NEK1: variants seen among roughly 807,000 people sequenced by gnomAD.
The protein encoded by NEK1 is serine/threonine-protein kinase Nek1.
Under a neutral mutation model 182.1 loss-of-function variants are expected in NEK1, and 137 were observed. That is an observed-to-expected ratio of 0.75 (90% confidence interval 0.65 to 0.87). The LOEUF is 0.87. Ranked by LOEUF, NEK1 falls within the 40% of genes least tolerant of loss-of-function variation. The pLI is 0.00. For synonymous variants in NEK1, 513 were observed against 492.2 expected, an observed-to-expected ratio of 1.04 and a Z score of -0.56; for missense variants, 1,391 against 1,494.4, an observed-to-expected ratio of 0.93 and a Z score of 1.14.
At chr4:169,563,133 G>C (rs1033023909) in intron 12 of NEK1, among the ~76,000 whole-genome samples, 2 of 152,100 alleles carry the variant, frequency 1.3e-5, no homozygotes, top group Non-Finnish European at 2.9e-5. Context: ...GCCAAGATAG[G>C]AGGACTGCTT....
At chr4:169,465,838 G>A (rs991619844) in intron 26 of NEK1, among the ~76,000 whole-genome samples, 3 of 152,180 alleles carry the variant, frequency 2.0e-5, no homozygotes, top group Admixed American at 6.6e-5. Context: ...ACTTGAAAGA[G>A]CCAAGCTATG....
chr4:169,608,584 T>G (rs1378581892), intron 2 of NEK1, among the ~76,000 whole-genome samples: 1 of 152,192 alleles, frequency 6.6e-6, no homozygotes, highest in Non-Finnish European at 1.5e-5. Context: ...TAGACCAATA[T>G]TTTAGCTATT....
intron 18 of NEK1, among the ~76,000 whole-genome samples, chr4:169,541,707 A>G (rs1759448071): frequency 1.3e-5 from 2 of 152,176 alleles, no homozygotes; most frequent in Non-Finnish European, 2.9e-5. Flanking sequence ...TAAACAGTAC[A>G]AGACAAAAGA....
intron 19 of NEK1, among the ~76,000 whole-genome samples, chr4:169,509,232 A>C (rs549229738): frequency 6.6e-6 from 1 of 152,232 alleles, no homozygotes; most frequent in Non-Finnish European, 1.5e-5. Flanking sequence ...TATATATACT[A>C]AACACATACA....
chr4:169,585,325 A>T, intron 10 of NEK1, 24 bp downstream of exon 10: 1 of 1,587,044 alleles, frequency 6.3e-7, no homozygotes, highest in Non-Finnish European at 8.6e-7. Flanking sequence ...CCTACTGTTT[A>T]ATTTTAAAGG....
intron 12 of NEK1, among the ~76,000 whole-genome samples, chr4:169,573,016 A>G (rs893632818): frequency 1.3e-5 from 2 of 152,200 alleles, no homozygotes; most frequent in Non-Finnish European, 2.9e-5. Flanking sequence ...CCTTTTTAAA[A>G]AGACTTAAGA....
chr4:169,472,342 C>G (rs1177568157), intron 26 of NEK1, among the ~76,000 whole-genome samples: 2 of 152,022 alleles, frequency 1.3e-5, no homozygotes, highest in Non-Finnish European at 2.9e-5. Context: ...CAGATAGCAC[C>G]GTCCCTCACG....
At chr4:169,466,032 TATA>T in intron 26 of NEK1, among the ~76,000 whole-genome samples, 1 of 152,216 alleles carries the variant, frequency 6.6e-6, no homozygotes, top group South Asian at 2.1e-4. Context: ...AATCCAACTC[TATA>T]ATGACAGAGA....
chr4:169,480,510 T>TAAAAAAAAAA (rs58933123), intron 23 of NEK1, among the ~76,000 whole-genome samples: 1 of 100,272 alleles, frequency 1.0e-5, no homozygotes, highest in Non-Finnish European at 2.1e-5. Context: ...ACCTCATTCC[T>TAAAAAAAAAA]AAAAAAAAAA....
At chr4:169,486,046 A>G (rs1748983086) in intron 23 of NEK1, among the ~76,000 whole-genome samples, 1 of 152,058 alleles carries the variant, frequency 6.6e-6, no homozygotes, top group African/African-American at 2.4e-5. Flanking sequence ...ACCCTGTTTC[A>G]AAACAAAACA....
At chr4:169,533,053 T>C (rs986153024) in intron 19 of NEK1, among the ~76,000 whole-genome samples, 2 of 152,182 alleles carry the variant, frequency 1.3e-5, no homozygotes, top group Non-Finnish European at 1.5e-5. Context: ...AAAGGGAGTA[T>C]AGTAGGCAGA....
chr4:169,475,265 A>G (rs769958933), intron 26 of NEK1, among the ~76,000 whole-genome samples: 1 of 152,148 alleles, frequency 6.6e-6, no homozygotes, highest in Non-Finnish European at 1.5e-5. Context: ...AAAGCACCCA[A>G]AAAGATTACA....
At chr4:169,399,863 C>T (rs1731358889) in intron 35 of NEK1, among the ~76,000 whole-genome samples, 1 of 152,052 alleles carries the variant, frequency 6.6e-6, no homozygotes, top group Non-Finnish European at 1.5e-5. Context: ...GGCCTCAAGC[C>T]ATCCTCCCAC....
intron 12 of NEK1, among the ~76,000 whole-genome samples, chr4:169,565,120 C>A (rs1359559227): frequency 6.6e-6 from 1 of 152,100 alleles, no homozygotes; most frequent in Non-Finnish European, 1.5e-5. Context: ...ATTTACGTTA[C>A]CACTTTACCT....
At chr4:169,562,242 C>T in intron 12 of NEK1, 46 bp from the exon 13 acceptor site, 2 of 1,362,088 alleles carry the variant, frequency 1.5e-6, no homozygotes, top group Non-Finnish European at 2.0e-6. Context: ...TTTTGAGGCA[C>T]TTATTTGAAA....
intron 23 of NEK1, among the ~76,000 whole-genome samples, chr4:169,497,828 T>C (rs1327315571): frequency 6.6e-6 from 1 of 152,188 alleles, no homozygotes; most frequent in Non-Finnish European, 1.5e-5. Context: ...CTTCCAACTA[T>C]GTGGTCAATT....
intron 35 of NEK1, among the ~76,000 whole-genome samples, chr4:169,395,665 T>A (rs1312164781): frequency 6.6e-6 from 1 of 152,184 alleles, no homozygotes; most frequent in Non-Finnish European, 1.5e-5. Flanking sequence ...AACACACATA[T>A]CCATAATATG....
chr4:169,432,795 T>A (rs984833902), intron 29 of NEK1, among the ~76,000 whole-genome samples: 2 of 151,826 alleles, frequency 1.3e-5, no homozygotes, highest in Non-Finnish European at 2.9e-5. Context: ...TTAATTAATT[T>A]GAGTTGGAGA....
At chr4:169,420,502 A>T (rs988058640) in intron 31 of NEK1, among the ~76,000 whole-genome samples, 1 of 152,218 alleles carries the variant, frequency 6.6e-6, no homozygotes, top group Admixed American at 6.5e-5. Context: ...CACCACAAAC[A>T]TGTGAGTAAT....
Sources: allele counts gnomAD v4.1 joint callset (sites outside exome capture counted in the v4.1 genomes callset), GRCh38; gene constraint gnomAD v4.1.1; transcripts MANE v1.5; gene names NCBI Gene and HGNC (gene_info 2026-07-23, HGNC 2026-07-21).